Variants in SULF1 observed in about 807,000 individuals in gnomAD.
SULF1 encodes the protein sulfatase 1.
SULF1 carries 46 observed loss-of-function variants against 110.5 expected under a neutral mutation model. The ratio of observed to expected loss-of-function variants is 0.42; its 90% CI spans 0.33 to 0.53. SULF1 has a LOEUF of 0.53. Ranked by LOEUF, SULF1 falls within the 20% of genes least tolerant of loss-of-function variation. The pLI, the probability that SULF1 is intolerant of heterozygous loss-of-function variation, is 0.12. For missense variants in SULF1, 941 were observed against 1,094.2 expected (o/e 0.86, Z 1.98); for synonymous variants, 371 against 387.1 (o/e 0.96, Z 0.49).
chr8:69,587,514 G>A (rs1413337499), intron 7 of SULF1, among the ~76,000 whole-genome samples: 1 of 152,172 alleles, frequency 6.6e-6, no homozygotes, highest in African/African-American at 2.4e-5. Context: ...TTGCTAATAG[G>A]CTTCCAAACT....
chr8:69,585,702 A>G (rs1806403971), intron 6 of SULF1, among the ~76,000 whole-genome samples: 2 of 152,230 alleles, frequency 1.3e-5, no homozygotes, highest in African/African-American at 4.8e-5. Context: ...TAATCTATGT[A>G]GTAACTCTAT....
At chr8:69,551,440 G>A (rs1289828866) in intron 3 of SULF1, among the ~76,000 whole-genome samples, 1 of 152,186 alleles carries the variant, frequency 6.6e-6, no homozygotes, top group African/African-American at 2.4e-5. Flanking sequence ...AACACTTCTG[G>A]ATACTTGTTG....
intron 1 of SULF1, among the ~76,000 whole-genome samples, chr8:69,493,456 C>CT (rs1810082389): frequency 2.3e-5 from 1 of 44,272 alleles, no homozygotes; most frequent in African/African-American, 1.3e-4. Context: ...ACTACACACA[C>CT]ACACACACAC....
intron 5 of SULF1, among the ~76,000 whole-genome samples, chr8:69,566,992 G>A (rs1815927225): frequency 6.6e-6 from 1 of 152,188 alleles, no homozygotes; most frequent in South Asian, 2.1e-4. Flanking sequence ...GTGAAACCCA[G>A]ACCTGTATTA....
chr8:69,489,607 T>C (rs1368699752), upstream of SULF1, among the ~76,000 whole-genome samples: 1 of 145,110 alleles, frequency 6.9e-6, no homozygotes, highest in Admixed American at 6.9e-5. Flanking sequence ...GATGGAGTCT[T>C]GCTCTGTCGC....
At chr8:69,593,490 A>G (rs1298939644) in intron 8 of SULF1, among the ~76,000 whole-genome samples, 1 of 152,184 alleles carries the variant, frequency 6.6e-6, no homozygotes, top group East Asian at 1.9e-4. Context: ...GATCACTTTC[A>G]TCTGGCATCG....
intron 1 of SULF1, among the ~76,000 whole-genome samples, chr8:69,484,881 C>G (rs1004034542): frequency 3.4e-5 from 5 of 147,596 alleles, no homozygotes; most frequent in African/African-American, 1.3e-4. Flanking sequence ...CCTCCTCCTC[C>G]TCTTCGAGAC....
intron 3 of SULF1, among the ~76,000 whole-genome samples, chr8:69,554,563 T>C (rs1397757917): frequency 6.6e-6 from 1 of 152,150 alleles, no homozygotes; most frequent in Admixed American, 6.5e-5. Flanking sequence ...GTCATAAAGT[T>C]TCAAGACACT....
intron 8 of SULF1, among the ~76,000 whole-genome samples, chr8:69,595,123 C>T: frequency 6.6e-6 from 1 of 152,044 alleles, no homozygotes; most frequent in South Asian, 2.1e-4. Context: ...TAAAAGACAC[C>T]TAGAGATACT....
chr8:69,476,499 T>C (rs539983035), intron 1 of SULF1, among the ~76,000 whole-genome samples: 22 of 152,318 alleles, frequency 1.4e-4, no homozygotes, highest in Middle Eastern at 6.8e-3. Flanking sequence ...AATACAGAGC[T>C]TGAGTCAGCA....
At chr8:69,600,510 T>C in intron 8 of SULF1, 93 bp from the exon 9 acceptor site, 1 of 1,244,280 alleles carries the variant, frequency 8.0e-7, no homozygotes, top group Admixed American at 2.2e-5. Context: ...GTCTCAATTA[T>C]CTCTCCTTAA....
chr8:69,540,396 T>C (rs1274975796), intron 3 of SULF1, among the ~76,000 whole-genome samples: 1 of 152,252 alleles, frequency 6.6e-6, no homozygotes, highest in Non-Finnish European at 1.5e-5. Context: ...TTTGGTATAA[T>C]TACAATGCTG....
chr8:69,611,668 A>C (rs1385558743), intron 13 of SULF1, among the ~76,000 whole-genome samples: 1 of 152,212 alleles, frequency 6.6e-6, no homozygotes, highest in African/African-American at 2.4e-5. Context: ...GGCATGAATA[A>C]TAATCAGTTT....
chr8:69,506,987 G>A (rs528132368), intron 3 of SULF1, among the ~76,000 whole-genome samples: 17 of 152,320 alleles, frequency 1.1e-4, no homozygotes, highest in African/African-American at 3.8e-4. Context: ...AAGGGCCTAA[G>A]GGGCCGTGCT....
intron 3 of SULF1, among the ~76,000 whole-genome samples, chr8:69,561,749 C>T (rs1815498909): frequency 6.6e-6 from 1 of 152,200 alleles, no homozygotes; most frequent in African/African-American, 2.4e-5. Flanking sequence ...AAAGTTTTTG[C>T]TACTTAAGGA....
At chr8:69,598,422 C>T (rs1196972341) in intron 8 of SULF1, among the ~76,000 whole-genome samples, 1 of 152,090 alleles carries the variant, frequency 6.6e-6, no homozygotes, top group Non-Finnish European at 1.5e-5. Flanking sequence ...GATAGAGTCT[C>T]GCTCTGTTAC....
chr8:69,484,238 A>G (rs909896450), intron 1 of SULF1, among the ~76,000 whole-genome samples: 2 of 152,238 alleles, frequency 1.3e-5, no homozygotes, highest in African/African-American at 4.8e-5. Flanking sequence ...CTAGAAACAT[A>G]GTTTATATGG....
At chr8:69,471,180 T>C (rs1230763687) in intron 1 of SULF1, among the ~76,000 whole-genome samples, 1 of 152,246 alleles carries the variant, frequency 6.6e-6, no homozygotes, top group African/African-American at 2.4e-5. Context: ...CTTTATTTTT[T>C]ATTCTGCTCT....
In SULF1 at chr8:69,567,119, C is replaced by A. The variant is rs10481210; in HGVS notation, c.172+2972C>A. Among the ~76,000 whole-genome samples, 962 of 152,168 alleles carry A rather than the reference C, an allele frequency of 6.3e-3. 9 individuals carry two copies. The highest frequency in any genetic ancestry group is 0.021 in the African/African-American group (886 of 41,520). On this transcript the variant is annotated intron_variant, in intron 5 of 22. Coordinates refer to ENST00000402687, the MANE Select transcript of SULF1 (RefSeq NM_001128205.2). ...CGGCAAATTCATAATATTTTAGGTT[C>A]TGGGAGAGAGGGAACAGAAGCAAAA...
Sources: allele counts gnomAD v4.1 joint callset (sites outside exome capture counted in the v4.1 genomes callset), GRCh38; gene constraint gnomAD v4.1.1; transcripts MANE v1.5; gene names NCBI Gene and HGNC (gene_info 2026-07-23, HGNC 2026-07-21).